NPRL3: variants seen among roughly 807,000 people sequenced by gnomAD.
The protein encoded by NPRL3 is GATOR1 complex protein NPRL3.
A neutral mutation model predicts 57.2 loss-of-function variants in NPRL3; 23 were observed. That is an observed-to-expected ratio of 0.40 (90% confidence interval 0.29 to 0.57). The LOEUF (loss-of-function observed/expected upper bound fraction) is 0.57, where lower values mean the gene tolerates loss of function less well. NPRL3 is among the 20% of genes least tolerant of loss of function. The pLI is 0.42. For synonymous variants in NPRL3, 333 were observed against 321.1 expected (o/e 1.04, Z -0.39); for missense variants, 691 against 767.1 (o/e 0.90, Z 1.17).
intron 7 of NPRL3, among the ~76,000 whole-genome samples, chr16:106,629 T>TAAAAAA (rs763058746): frequency 3.8e-3 from 228 of 59,848 alleles, no homozygotes; most frequent in Middle Eastern, 0.014. Context: ...TGCCTTAAAT[T>TAAAAAA]AAAAAAAAAA....
chr16:89,369 G>A (rs2239296), intron 12 of NPRL3: 197,176 of 291,614 alleles, frequency 0.68, 68,445 homozygotes, highest in African/African-American at 0.86. Flanking sequence ...TGGCCATGAC[G>A]GCTCTTCTGG....
Position 92,593 on chromosome 16 carries a change from C to T in NPRL3, c.1161+3G>A, listed in dbSNP as rs764130086. ...CTGGGCTCCTTGAGCTTCTGTGACT[C>T]ACCTCCTGCACAGCGGGGGCCAGGG... On this transcript the variant is annotated splice_donor_region_variant and intron_variant, in intron 11 of 13. Transcript: ENST00000611875. 2 of 1,612,830 alleles carry T rather than the reference C, an allele frequency of 1.2e-6. No individual in the cohort carries two copies. Among genetic ancestry groups the T allele is most frequent in the Admixed American group, 1.7e-5 (1 of 59,894 alleles).
At chr16:114,456 C>T (rs1899945010) in intron 5 of NPRL3, among the ~76,000 whole-genome samples, 1 of 152,260 alleles carries the variant, frequency 6.6e-6, no homozygotes, top group South Asian at 2.1e-4. Context: ...AAAACTTGTA[C>T]CCAAATAGAA....
intron 2 of NPRL3, 98 bp downstream of exon 2, chr16:138,052 C>A: frequency 1.2e-6 from 1 of 839,638 alleles, no homozygotes; most frequent in Non-Finnish European, 1.9e-6. Flanking sequence ...CTCGAATGCC[C>A]AGCAAAAGCT....
chr16:86,587 A>G lies in NPRL3; in HGVS notation c.*118T>C. Reference sequence around the variant, plus strand: ...ACTGGGCCACGGCCAGCCCGCATCCACCCAATGCCAGGCCTCAGGGCCAAG... The same window carrying G: ...ACTGGGCCACGGCCAGCCCGCATCCGCCCAATGCCAGGCCTCAGGGCCAAG... On this transcript the variant is annotated 3_prime_UTR_variant, in exon 14 of 14. Transcript: ENST00000611875. 6.6e-6 allele frequency: 7 copies of G among 1,065,814 alleles called. No homozygotes were observed. The highest frequency in any genetic ancestry group is 7.9e-6 in the Non-Finnish European group (6 of 754,830). The allele number at this position is 1,065,814 out of a possible 1,614,324, so 66.0% of individuals were successfully genotyped here.
chr16:137,847 C>T (rs1336917290), intron 2 of NPRL3, among the ~76,000 whole-genome samples: 1 of 152,062 alleles, frequency 6.6e-6, no homozygotes, highest in Non-Finnish European at 1.5e-5. Context: ...TTACCGCCAC[C>T]GGCCTTGTTC....
At chr16:89,941 C>A in intron 11 of NPRL3, 39 bp from the exon 12 acceptor site, 1 of 1,514,624 alleles carries the variant, frequency 6.6e-7, no homozygotes, top group East Asian at 2.5e-5. Flanking sequence ...CCCCTCCCCA[C>A]TCCAACTTCC....
chr16:134,936 C>T (rs1356205127), intron 2 of NPRL3, among the ~76,000 whole-genome samples: 2 of 151,592 alleles, frequency 1.3e-5, no homozygotes, highest in African/African-American at 4.8e-5. Context: ...CTCCTGACCT[C>T]GTGATCCGCC....
At chr16:121,172 C>T (rs1295119332) in intron 3 of NPRL3, among the ~76,000 whole-genome samples, 1 of 152,194 alleles carries the variant, frequency 6.6e-6, no homozygotes, top group Non-Finnish European at 1.5e-5. Context: ...GTGAGATGGT[C>T]CCTGGGATTC....
Position 138,137 on chromosome 16 carries a change from A to G in NPRL3, c.118+13T>C, listed in dbSNP as rs1901204862. 1 of 1,577,778 alleles carries G rather than the reference A, an allele frequency of 6.3e-7. No homozygotes were observed. Among genetic ancestry groups the G allele is most frequent in the Non-Finnish European group, 8.6e-7 (1 of 1,160,318 alleles). ...CCCCGCGAGCGCCAGGCCCCCGCCC[A>G]GCGCTCACTTACTTGTCTGGGACGC... On this transcript the variant is annotated intron_variant, in intron 2 of 13. Coordinates refer to ENST00000611875, the MANE Select transcript of NPRL3 (RefSeq NM_001077350.3).
chr16:122,552 C>T (rs896275198), intron 3 of NPRL3, among the ~76,000 whole-genome samples: 1 of 152,186 alleles, frequency 6.6e-6, no homozygotes, highest in Non-Finnish European at 1.5e-5. Flanking sequence ...TATGAAAATC[C>T]TTTTCCCTCA....
At chr16:98,375 C>A (rs924770162) in intron 8 of NPRL3, 74 bp from the exon 9 acceptor site, 1 of 1,513,806 alleles carries the variant, frequency 6.6e-7, no homozygotes, top group South Asian at 1.2e-5. Flanking sequence ...AGGTCCTGCA[C>A]CAGGTATGCA....
intron 7 of NPRL3, among the ~76,000 whole-genome samples, chr16:101,762 TC>T (rs1229676301): frequency 1.3e-5 from 2 of 152,168 alleles, no homozygotes; most frequent in Admixed American, 6.5e-5. Flanking sequence ...GTCACTCAGG[TC>T]CCGCTGTGCT....
intron 5 of NPRL3, among the ~76,000 whole-genome samples, chr16:116,787 A>AAC (rs1900051157): frequency 1.2e-5 from 1 of 85,948 alleles, no homozygotes; most frequent in African/African-American, 4.5e-5. Context: ...ACATGGCGAG[A>AAC]CCCCCCCCCC....
intron 4 of NPRL3, among the ~76,000 whole-genome samples, chr16:118,363 C>T (rs1900137701): frequency 6.6e-6 from 1 of 152,122 alleles, no homozygotes; most frequent in African/African-American, 2.4e-5. Flanking sequence ...ACCTATTCAT[C>T]AAGAGAACAT....
chr16:132,636 C>G (rs183325277), intron 2 of NPRL3, among the ~76,000 whole-genome samples: 3 of 150,602 alleles, frequency 2.0e-5, no homozygotes, highest in Non-Finnish European at 4.4e-5. Flanking sequence ...GAATCACTAT[C>G]TATGGCAGCT....
Position 138,339 on chromosome 16 carries a change from G to T in NPRL3, c.-67-5C>A. ...GGAGCCGGAGGCGGAGGGGGCCTGAGGAGGACGGAGCCGGAGGCGGAGGGG... is the reference window on the plus strand; with the variant it reads ...GGAGCCGGAGGCGGAGGGGGCCTGATGAGGACGGAGCCGGAGGCGGAGGGG... On this transcript the variant is annotated splice_region_variant and splice_polypyrimidine_tract_variant and intron_variant, in intron 1 of 13. Coordinates refer to ENST00000611875, the MANE Select transcript of NPRL3 (RefSeq NM_001077350.3). The T allele has an allele frequency of 8.6e-7, 1 of 1,169,450 alleles. No individual in the cohort carries two copies. The highest frequency in any genetic ancestry group is 1.2e-6 in the Non-Finnish European group (1 of 828,302). The allele number at this position is 1,169,450 out of a possible 1,614,324, so 72.4% of individuals were successfully genotyped here.
chr16:93,389 G>C, intron 9 of NPRL3, 64 bp from the exon 10 acceptor site: 1 of 1,099,574 alleles, frequency 9.1e-7, no homozygotes, highest in Non-Finnish European at 1.4e-6. Context: ...GCTGTCAGCA[G>C]CTCTCAGCCT....
intron 3 of NPRL3, among the ~76,000 whole-genome samples, chr16:129,062 C>T (rs915008708): frequency 2.0e-5 from 3 of 152,140 alleles, no homozygotes; most frequent in Non-Finnish European, 4.4e-5. Context: ...CTCTTCATTA[C>T]GTTAAATATT....
Sources: allele counts gnomAD v4.1 joint callset (sites outside exome capture counted in the v4.1 genomes callset), GRCh38; gene constraint gnomAD v4.1.1; transcripts MANE v1.5; gene names NCBI Gene and HGNC (gene_info 2026-07-23, HGNC 2026-07-21).